The following NIPBL variants were observed in gnomAD, a reference collection of about 807,000 sequenced individuals.
The protein encoded by NIPBL is NIPBL cohesin loading factor, also known as nipped-B-like protein.
Under a neutral mutation model 321.8 loss-of-function variants are expected in NIPBL, and 19 were observed. The observed-to-expected ratio is 0.06, with a 90% CI of 0.04 to 0.09. The LOEUF (loss-of-function observed/expected upper bound fraction) is 0.09, where lower values mean the gene tolerates loss of function less well. NIPBL is among the 10% of genes least tolerant of loss of function. The pLI, the probability that NIPBL is intolerant of heterozygous loss-of-function variation, is 1.00. For synonymous variants in NIPBL, 1,106 were observed against 1,114.1 expected (o/e 0.99, Z 0.14); for missense variants, 2,210 against 3,327.0 (o/e 0.66, Z 8.26).
chr5:37,029,163 G>C (rs1190972046), intron 32 of NIPBL, among the ~76,000 whole-genome samples: 2 of 152,190 alleles, frequency 1.3e-5, no homozygotes, highest in African/African-American at 4.8e-5. Flanking sequence ...ATGAATTTAA[G>C]TGATGATATA....
intron 34 of NIPBL, among the ~76,000 whole-genome samples, chr5:37,040,095 T>G (rs1752164009): frequency 6.6e-6 from 1 of 152,128 alleles, no homozygotes; most frequent in African/African-American, 2.4e-5. Flanking sequence ...AGTCCCAAAG[T>G]TAGAATTCAG....
At chr5:36,882,574 T>A (rs1464503618) in intron 1 of NIPBL, among the ~76,000 whole-genome samples, 1 of 151,952 alleles carries the variant, frequency 6.6e-6, no homozygotes, top group African/African-American at 2.4e-5. Context: ...AACTACTCAG[T>A]GAAGTTAGTG....
chr5:37,029,046 TC>T (rs2149708245), intron 32 of NIPBL, among the ~76,000 whole-genome samples: 1 of 152,336 alleles, frequency 6.6e-6, no homozygotes, highest in South Asian at 2.1e-4. Flanking sequence ...TGATTAAAGT[TC>T]AATTTTTAAT....
chr5:36,969,643 T>G lies in NIPBL; in HGVS notation c.611-1233T>G, dbSNP rs551624931. Among the ~76,000 whole-genome samples the G allele has an allele frequency of 7.9e-5, 12 of 152,292 alleles. No homozygotes were observed. The South Asian group carries it at 2.5e-3, about 32-fold the overall frequency. Reference sequence around the variant, plus strand: ...CTGAAAAACCAAAACTGTAAGGCTTTTAGAAGATACAGGAGGCTGTCTTTT... The same window carrying G: ...CTGAAAAACCAAAACTGTAAGGCTTGTAGAAGATACAGGAGGCTGTCTTTT... On this transcript the variant is annotated intron_variant, in intron 6 of 46. Coordinates refer to ENST00000282516, the MANE Select transcript of NIPBL (RefSeq NM_133433.4).
chr5:37,041,590 T>G (rs1309648021), intron 34 of NIPBL, among the ~76,000 whole-genome samples: 1 of 140,678 alleles, frequency 7.1e-6, no homozygotes, highest in African/African-American at 2.7e-5. Context: ...TAAGACACAG[T>G]CTTGCTCTGT....
intron 1 of NIPBL, among the ~76,000 whole-genome samples, chr5:36,946,511 TTCTA>T (rs1312655275): frequency 6.6e-6 from 1 of 152,048 alleles, no homozygotes; most frequent in Non-Finnish European, 1.5e-5. Context: ...TACTTAATAA[TTCTA>T]TATATTAAAT....
intron 38 of NIPBL, 41 bp downstream of exon 38, chr5:37,046,240 G>A (rs1245300438): frequency 9.7e-7 from 1 of 1,026,474 alleles, no homozygotes; most frequent in Non-Finnish European, 1.5e-6. Context: ...TATTTGAGAG[G>A]GATAGAGCAT....
intron 32 of NIPBL, among the ~76,000 whole-genome samples, chr5:37,028,887 C>G (rs1750628876): frequency 6.6e-6 from 1 of 152,106 alleles, no homozygotes; most frequent in Non-Finnish European, 1.5e-5. Context: ...TTGCCCCTTA[C>G]CTCCCTTTTC....
Position 37,002,674 on chromosome 5 carries a change from A to C in NIPBL, c.3677A>C (p.Glu1226Ala). The change falls in exon 15 of 47, where the codon GAA (glutamate) becomes GCA (alanine). Residue 1226 changes from glutamate to alanine, a missense_variant. By Grantham distance (107) the Glu-to-Ala change is moderately radical. This residue lies in a region of NIPBL where 381 missense variants were observed against 642.3 expected (regional missense o/e 0.59). Coordinates refer to ENST00000282516, the MANE Select transcript of NIPBL (RefSeq NM_133433.4). ...MDFTAFGDDD[E>A]IPQELLLGKH... Reference sequence around the variant, plus strand: ...CTTGATTTTGCAGGTGATGATGATGAAATTCCTCAGGAACTGCTCTTAGGA... The same window carrying C: ...CTTGATTTTGCAGGTGATGATGATGCAATTCCTCAGGAACTGCTCTTAGGA... 6.2e-7 allele frequency: 1 copy of C among 1,610,186 alleles called. No individual in the cohort carries two copies.
chr5:37,002,812 T>G, intron 15 of NIPBL, 47 bp downstream of exon 15: 1 of 1,096,572 alleles, frequency 9.1e-7, no homozygotes, highest in Non-Finnish European at 1.4e-6. Context: ...TAGAAACATT[T>G]GAAATTAATT....
Position 36,985,125 on chromosome 5 carries a change from G to A in NIPBL, c.1945G>A (p.Glu649Lys). Residue 649 changes from glutamate (E) to lysine (K), a missense_variant, in exon 10 of 47, where the codon GAA becomes AAA. Physicochemically the swap from Glu to Lys is moderately conservative, Grantham distance 56. This residue lies in a region of NIPBL where 588 missense variants were observed against 564.1 expected (regional missense o/e 1.04). Transcript: ENST00000282516. ...AGAAACTAAAGTTGAGACCCAAACAGAAGAACTTAAACAGAATGAGAGCAG... is the reference window on the plus strand; with the variant it reads ...AGAAACTAAAGTTGAGACCCAAACAAAAGAACTTAAACAGAATGAGAGCAG... Reference protein sequence around the residue: ...KLETKVETQTEELKQNESRTT... With the variant: ...KLETKVETQTKELKQNESRTT... 4 of 1,613,860 alleles carry A rather than the reference G, an allele frequency of 2.5e-6. No individual in the cohort carries two copies. The highest frequency in any genetic ancestry group is 3.4e-6 in the Non-Finnish European group (4 of 1,179,922).
At chr5:36,995,395 G>A (rs1377073754) in intron 10 of NIPBL, 1 of 386,982 alleles carries the variant, frequency 2.6e-6, no homozygotes, top group Non-Finnish European at 4.6e-6. Flanking sequence ...TTTTATGGTG[G>A]TGTCATGTTT....
chr5:37,017,884 A>G (rs1202327054), intron 24 of NIPBL, among the ~76,000 whole-genome samples: 1 of 152,090 alleles, frequency 6.6e-6, no homozygotes, highest in Non-Finnish European at 1.5e-5. Context: ...ATTATTGACA[A>G]TTTACAAAAT....
At chr5:37,017,562 TATTAC>T (rs1749135349) in intron 24 of NIPBL, among the ~76,000 whole-genome samples, 1 of 151,822 alleles carries the variant, frequency 6.6e-6, no homozygotes, top group South Asian at 2.1e-4. Flanking sequence ...TTTTATACTT[TATTAC>T]ATTAGAGAGT....
At chr5:36,977,838 A>T (rs1018788929) in intron 9 of NIPBL, among the ~76,000 whole-genome samples, 1 of 151,744 alleles carries the variant, frequency 6.6e-6, no homozygotes, top group Non-Finnish European at 1.5e-5. Flanking sequence ...ATTCCCACTT[A>T]TAAGTGAGAA....
chr5:36,985,556 G>C lies in NIPBL; in HGVS notation c.2376G>C (p.Arg792=), dbSNP rs778889561. The C allele has an allele frequency of 6.2e-7, 1 of 1,613,772 alleles. No homozygotes were observed. The highest frequency in any genetic ancestry group is 8.5e-7 in the Non-Finnish European group (1 of 1,179,952). ...HKQDTKSDSP[R]LKSERAEALK... ...AAGATACTAAATCTGACTCACCTCG[G>C]TTAAAATCAGAACGAGCTGAAGCCT... Residue 792 remains arginine (R), a synonymous_variant, in exon 10 of 47, where the codon CGG becomes CGC. Coordinates refer to ENST00000282516, the MANE Select transcript of NIPBL (RefSeq NM_133433.4).
intron 32 of NIPBL, among the ~76,000 whole-genome samples, chr5:37,035,019 G>A (rs1271153946): frequency 6.6e-6 from 1 of 152,218 alleles, no homozygotes; most frequent in Non-Finnish European, 1.5e-5. Context: ...GCCGGGCATG[G>A]TAGCTCATGC....
chr5:36,917,650 G>C (rs997758726), intron 1 of NIPBL, among the ~76,000 whole-genome samples: 25 of 152,110 alleles, frequency 1.6e-4, no homozygotes, highest in Admixed American at 5.9e-4. Flanking sequence ...GGTTTTTATG[G>C]TTTTAGGTCT....
At chr5:36,971,076 A>G (rs367628032) in intron 7 of NIPBL, 40 bp downstream of exon 7, 2 of 1,534,424 alleles carry the variant, frequency 1.3e-6, no homozygotes, top group Non-Finnish European at 1.8e-6. Context: ...AAATAGTTCT[A>G]ATATTTGTCA....
Sources: allele counts gnomAD v4.1 joint callset (sites outside exome capture counted in the v4.1 genomes callset), GRCh38; gene constraint gnomAD v4.1.1; regional missense constraint gnomAD v4.1.1; transcripts MANE v1.5; gene names NCBI Gene and HGNC (gene_info 2026-07-23, HGNC 2026-07-21).